Variants in USP7 observed in about 807,000 individuals in gnomAD.
USP7 encodes ubiquitin specific peptidase 7, also known as ubiquitin C-terminal hydrolase 7.
A neutral mutation model predicts 162.9 loss-of-function variants in USP7; 9 were observed. The ratio of observed to expected loss-of-function variants is 0.06; its 90% CI spans 0.03 to 0.10. USP7 has a LOEUF of 0.10. Ranked by LOEUF, USP7 falls within the 10% of genes least tolerant of loss-of-function variation. USP7 has a pLI of 1.00. For missense variants in USP7, 715 were observed against 1,373.7 expected (o/e 0.52, Z 7.58); for synonymous variants, 562 against 475.9 (o/e 1.18, Z -2.35).
At chr16:8,960,289 C>T (rs1172367637) in intron 1 of USP7, among the ~76,000 whole-genome samples, 2 of 152,198 alleles carry the variant, frequency 1.3e-5, no homozygotes, top group East Asian at 3.8e-4. Flanking sequence ...CAAACTGCAT[C>T]AGGCCCCACC....
At chr16:8,911,444 C>A (rs1567217950) in intron 10 of USP7, among the ~76,000 whole-genome samples, 1 of 152,196 alleles carries the variant, frequency 6.6e-6, no homozygotes, top group Non-Finnish European at 1.5e-5. Flanking sequence ...GAGTGACAAG[C>A]TCTCAATCCA....
chr16:8,936,236 C>A (rs1281575938), intron 1 of USP7, among the ~76,000 whole-genome samples: 5 of 152,076 alleles, frequency 3.3e-5, no homozygotes, highest in South Asian at 4.1e-4. Context: ...GCTGTTATTA[C>A]GGCAGATACG....
intron 15 of USP7, 75 bp downstream of exon 15, chr16:8,904,360 C>A (rs1695757283): frequency 6.3e-7 from 1 of 1,576,610 alleles, no homozygotes; most frequent in Admixed American, 1.7e-5. Context: ...GGGGTGGGGG[C>A]TGACCTGCAC....
chr16:8,960,372 G>A (rs988750225), intron 1 of USP7, among the ~76,000 whole-genome samples: 1 of 152,142 alleles, frequency 6.6e-6, no homozygotes, highest in African/African-American at 2.4e-5. Flanking sequence ...AACTATTCCA[G>A]AGCACTGCTG....
Position 8,921,078 on chromosome 16 carries a change from G to C in USP7, c.522+79C>G, listed in dbSNP as rs1897667538. 7 of 1,470,078 alleles carry C rather than the reference G, an allele frequency of 4.8e-6. No individual in the cohort carries two copies. In the South Asian group the frequency reaches 7.9e-5, roughly 17 times the overall value. The allele number at this position is 1,470,078 out of a possible 1,614,324, so 91.1% of individuals were successfully genotyped here. ...AAAATCTGACTCTAAAATCAATAAA[G>C]GACTTGAAAAATCAAAAAGTTAAGG... On this transcript the variant is annotated intron_variant, in intron 4 of 30. Coordinates refer to ENST00000344836, the MANE Select transcript of USP7 (RefSeq NM_003470.3).
chr16:8,895,798 A>G, intron 26 of USP7, 57 bp from the exon 27 acceptor site: 1 of 1,232,968 alleles, frequency 8.1e-7, no homozygotes, highest in Non-Finnish European at 1.1e-6. Context: ...TCACATAAAA[A>G]TAAAATGGTT....
At position 8,914,366 on chromosome 16, in the gene USP7, T is replaced by C. The variant is rs951250494; in HGVS notation, c.1078+888A>G. ...AAACCACTTTGGGAATCTCGCTAAC[T>C]TGATCCATCAAGCTGGACATACGCA... On this transcript the variant is annotated intron_variant, in intron 10 of 30. Coordinates refer to ENST00000344836, the MANE Select transcript of USP7 (RefSeq NM_003470.3). Among the ~76,000 whole-genome samples, 17 of 151,738 alleles carry C rather than the reference T, an allele frequency of 1.1e-4. 1 individual carries two copies. Among genetic ancestry groups the C allele is most frequent in the African/African-American group, 3.9e-4 (16 of 41,110 alleles).
chr16:8,904,531 A>G lies in USP7; in HGVS notation c.1608T>C (p.Ile536=). ...EVLQAVTDHD[I]PQQLVERLQE... is the part of the protein sequence containing the mutation. ...GTAATCGCTCCACCAACTGCTGAGG[A>G]ATATCATGGTCGGTGACCGCCTGTA... Residue 536 remains isoleucine (I), a synonymous_variant, in exon 15 of 31, where the codon ATT becomes ATC. Coordinates refer to ENST00000344836, the MANE Select transcript of USP7 (RefSeq NM_003470.3). 6.2e-7 allele frequency: 1 copy of G among 1,614,176 alleles called. No individual in the cohort carries two copies. The highest frequency in any genetic ancestry group is 2.2e-5 in the East Asian group (1 of 44,886).
chr16:8,926,485 A>G (rs1426466162), intron 2 of USP7, among the ~76,000 whole-genome samples: 1 of 152,172 alleles, frequency 6.6e-6, no homozygotes, highest in Non-Finnish European at 1.5e-5. Context: ...CTGGTCTCCA[A>G]AAAAATTCAA....
intron 1 of USP7, among the ~76,000 whole-genome samples, chr16:8,948,338 A>G (rs763233051): frequency 2.0e-5 from 3 of 152,084 alleles, no homozygotes; most frequent in Non-Finnish European, 4.4e-5. Flanking sequence ...ACACGCCATC[A>G]TGGCTGACTA....
chr16:8,945,114 G>A (rs1899220457), intron 1 of USP7, among the ~76,000 whole-genome samples: 1 of 152,196 alleles, frequency 6.6e-6, no homozygotes, highest in Non-Finnish European at 1.5e-5. Flanking sequence ...AAATTAGCTG[G>A]GTGTGGTGGC....
chr16:8,935,891 G>C (rs553239460), intron 1 of USP7: 5 of 152,118 alleles, frequency 3.3e-5, no homozygotes, highest in Admixed American at 3.3e-4. Flanking sequence ...TACCCCACCA[G>C]AGAACACCTC....
At chr16:8,935,199 T>TA (rs1898625201) in intron 1 of USP7, among the ~76,000 whole-genome samples, 1 of 141,930 alleles carries the variant, frequency 7.0e-6, no homozygotes, top group Admixed American at 7.6e-5. Context: ...GCTAAGGCAC[T>TA]AATTTTTTTT....
At position 8,912,854 on chromosome 16, in the gene USP7, A is replaced by G. The variant is rs115131954; in HGVS notation, c.1079-2027T>C. ...CCAAGTCAAACTTCTAAAAATAAAA[A>G]AAAATTTAAAAAGTTTGAAAATGAA... On this transcript the variant is annotated intron_variant, in intron 10 of 30. Transcript: ENST00000344836. 8.0e-3 allele frequency among the ~76,000 whole-genome samples: 1,218 copies of G among 152,290 alleles called. 15 individuals are homozygous for G. Among genetic ancestry groups the G allele is most frequent in the African/African-American group, 0.027 (1,121 of 41,580 alleles).
intron 25 of USP7, among the ~76,000 whole-genome samples, chr16:8,898,051 C>T (rs990086118): frequency 2.7e-4 from 41 of 152,124 alleles, no homozygotes; most frequent in Admixed American, 5.9e-4. Flanking sequence ...GATCAGGCCG[C>T]GGCAGGAAGA....
In USP7 at chr16:8,897,164, AAGAGAGG is replaced by A. The variant is rs1171575072; in HGVS notation, c.2719-72_2719-66del. On this transcript the variant is annotated intron_variant, in intron 25 of 30. Transcript: ENST00000344836. Reference sequence around the variant, plus strand: ...CATAAAAGGTCTGCTACCACAAAGGAAGAGAGGAGAAAGTTGCATCATTGTTCTCAAC... The same window carrying A: ...CATAAAAGGTCTGCTACCACAAAGGAAGAAAGTTGCATCATTGTTCTCAAC... 12 of 1,262,148 alleles carry A rather than the reference AAGAGAGG, an allele frequency of 9.5e-6. No homozygotes were observed. In the East Asian group the frequency reaches 2.6e-4, roughly 27 times the overall value. 78.2% of individuals were successfully genotyped at this position (1,262,148 alleles called of 1,614,324 possible).
rs201141976 is a variant in USP7 at position 8,894,736 on chromosome 16, G to T, written c.3111+48C>A. On this transcript the variant is annotated intron_variant, in intron 29 of 30. Coordinates refer to ENST00000344836, the MANE Select transcript of USP7 (RefSeq NM_003470.3). ...AGCCTAGGCCGCTACGCTAGGCAAG[G>T]CTTGAGCCTATGGCCCGCCAAGCCC... 45 of 1,613,988 alleles carry T rather than the reference G, an allele frequency of 2.8e-5. No individual in the cohort carries two copies. The African/African-American group carries it at 4.9e-4, about 18-fold the overall frequency.
intron 1 of USP7, among the ~76,000 whole-genome samples, chr16:8,934,246 T>C (rs1898549258): frequency 6.6e-6 from 1 of 152,100 alleles, no homozygotes; most frequent in Non-Finnish European, 1.5e-5. Flanking sequence ...CAGTCTAAAG[T>C]GTGGAAAATA....
chr16:8,895,253 A>G (rs1596347129), intron 27 of USP7, 103 bp from the exon 28 acceptor site: 3 of 1,559,984 alleles, frequency 1.9e-6, no homozygotes, highest in East Asian at 2.3e-5. Context: ...GGTAAAGCCT[A>G]TTTTTGCTAA....
Sources: gnomAD v4.1 joint callset for allele counts (sites outside exome capture counted in the v4.1 genomes callset) on GRCh38, gnomAD v4.1.1 for gene constraint, MANE v1.5 for transcripts, NCBI Gene and HGNC (gene_info 2026-07-23, HGNC 2026-07-21) for gene names.